TP73: variants seen among roughly 807,000 people sequenced by gnomAD.
The protein encoded by TP73 is tumor protein p73, also known as p53-like transcription factor.
Under a neutral mutation model 62.5 loss-of-function variants are expected in TP73, and 25 were observed. The observed-to-expected ratio is 0.40, with a 90% confidence interval of 0.29 to 0.56. TP73 has a LOEUF of 0.56. Ranked by LOEUF, TP73 falls within the 20% of genes least tolerant of loss-of-function variation. TP73 has a pLI of 0.46. For synonymous variants in TP73, 423 were observed against 377.5 expected (o/e 1.12, Z -1.40); for missense variants, 754 against 913.3 (o/e 0.83, Z 2.25).
At position 3,733,338 on chromosome 1, in the gene TP73, C is replaced by A. The variant is rs906198621; in HGVS notation, c.*259C>A. On this transcript the variant is annotated 3_prime_UTR_variant, in exon 14 of 14. Transcript: ENST00000378295. ...TGGGCTTGTGGGGCGGGGGCTGGCC[C>A]ACTCTCAGCCCTGCCACTGCCCCGG... is the stretch of plus-strand genomic sequence containing the variant. 19 of 553,936 alleles carry A rather than the reference C, an allele frequency of 3.4e-5. No individual in the cohort carries two copies. The highest frequency in any genetic ancestry group is 5.4e-5 in the Non-Finnish European group (17 of 312,646). 34.3% of individuals were successfully genotyped at this position (553,936 alleles called of 1,614,324 possible). A position where few individuals can be genotyped will look rare whatever the true frequency, so the allele number is the denominator to read the frequency against.
At chr1:3,658,084 G>A (rs1644905011) in intron 1 of TP73, among the ~76,000 whole-genome samples, 1 of 152,362 alleles carries the variant, frequency 6.6e-6, no homozygotes, top group Middle Eastern at 3.4e-3. Context: ...GGCCTCCAGT[G>A]AGGCCTGGAG....
At chr1:3,697,315 C>A (rs1382219470) in intron 3 of TP73, among the ~76,000 whole-genome samples, 1 of 152,246 alleles carries the variant, frequency 6.6e-6, no homozygotes, top group Non-Finnish European at 1.5e-5. Flanking sequence ...CAGCTCCGAC[C>A]ACCTCTCCCG....
intron 6 of TP73, among the ~76,000 whole-genome samples, chr1:3,726,184 TGGG>T (rs1204450848): frequency 6.7e-5 from 6 of 90,134 alleles, no homozygotes; most frequent in African/African-American, 2.2e-4. Context: ...AGATAATAAA[TGGG>T]GGGAGTGGAT....
intron 3 of TP73, among the ~76,000 whole-genome samples, chr1:3,706,937 G>C (rs1010213161): frequency 7.9e-5 from 12 of 152,144 alleles, no homozygotes; most frequent in Admixed American, 2.6e-4. Context: ...GGGTGAGGCC[G>C]TTCACCGAGA....
Position 3,722,014 on chromosome 1 carries a change from A to G in TP73, c.430-7A>G, listed in dbSNP as rs1217013442. 8 of 1,596,926 alleles carry G rather than the reference A, an allele frequency of 5.0e-6. No individual in the cohort carries two copies. In the Admixed American group the frequency reaches 1.4e-4, roughly 27 times the overall value. ...TGGTCTCACCCGCTCCCTCTCCCCCACTCCAGTACTCCCCGCTCTTGAAGA... is the reference window on the plus strand; with the variant it reads ...TGGTCTCACCCGCTCCCTCTCCCCCGCTCCAGTACTCCCCGCTCTTGAAGA... On this transcript the variant is annotated splice_polypyrimidine_tract_variant and splice_region_variant and intron_variant, in intron 4 of 13. Transcript: ENST00000378295.
chr1:3,685,936 C>T (rs1411475942), intron 3 of TP73, among the ~76,000 whole-genome samples: 1 of 152,250 alleles, frequency 6.6e-6, no homozygotes, highest in African/African-American at 2.4e-5. Flanking sequence ...GGACAAGAAA[C>T]ACCACACAGG....
At chr1:3,704,892 AG>A (rs1237826482) in intron 3 of TP73, among the ~76,000 whole-genome samples, 1 of 152,206 alleles carries the variant, frequency 6.6e-6, no homozygotes. Flanking sequence ...GCCGGTGCCC[AG>A]GGTGACACCC....
chr1:3,691,733 G>A (rs1645838113), intron 3 of TP73, among the ~76,000 whole-genome samples: 1 of 152,234 alleles, frequency 6.6e-6, no homozygotes, highest in South Asian at 2.1e-4. Flanking sequence ...TCCTCCCAGG[G>A]AAGCAGACAG....
Position 3,732,997 on chromosome 1 carries a change from C to T in TP73, c.1829C>T (p.Ala610Val), listed in dbSNP as rs141747493. The T allele has an allele frequency of 3.8e-6, 6 of 1,580,050 alleles. No individual in the cohort carries two copies. Among genetic ancestry groups the T allele is most frequent in the Admixed American group, 1.8e-5 (1 of 56,488 alleles). ...GGPGGGPDEW[A>V]DFGFDLPDCK... ...CCAGGCGGCGGCCCTGACGAGTGGG[C>T]GGACTTCGGCTTCGACCTGCCCGAC... Residue 610 changes from alanine (A) to valine (V), a missense_variant, in exon 14 of 14, where the codon GCG becomes GTG. By Grantham distance (64) the Ala-to-Val change is moderately conservative (BLOSUM62 0). Around this residue, in one of 3 missense-constraint regions of TP73, gnomAD observed 458 missense variants for 528.7 expected, o/e 0.87. Transcript: ENST00000378295.
intron 4 of TP73, among the ~76,000 whole-genome samples, chr1:3,711,869 CGCGA>C (rs1396825133): frequency 2.8e-5 from 3 of 106,522 alleles, no homozygotes; most frequent in African/African-American, 3.0e-5. Context: ...TGTGTGTGTG[CGCGA>C]GCATGTGCAC....
intron 4 of TP73, 36 bp downstream of exon 4, chr1:3,707,827 G>C: frequency 6.3e-7 from 1 of 1,593,922 alleles, no homozygotes; most frequent in South Asian, 1.1e-5. Flanking sequence ...TGCGGGCTGC[G>C]GGCTGCGGGC....
intron 3 of TP73, among the ~76,000 whole-genome samples, chr1:3,706,107 C>A (rs1639602789): frequency 6.6e-6 from 1 of 152,258 alleles, no homozygotes; most frequent in East Asian, 1.9e-4. Context: ...GGCAGAATGA[C>A]CGCCCCCCGC....
intron 1 of TP73, among the ~76,000 whole-genome samples, chr1:3,675,368 T>C (rs1275281333): frequency 6.6e-6 from 1 of 152,058 alleles, no homozygotes; most frequent in Non-Finnish European, 1.5e-5. Flanking sequence ...CCACTTCAGA[T>C]TGGAATCGTT....
At position 3,675,324 on chromosome 1, in the gene TP73, G is replaced by C. The variant is rs190367357; in HGVS notation, c.-33-7009G>C. Among the ~76,000 whole-genome samples, 800 of 151,090 alleles carry C rather than the reference G, an allele frequency of 5.3e-3. 1 individual carries two copies. Among genetic ancestry groups the C allele is most frequent in the Admixed American group, 0.013 (191 of 15,112 alleles). ...GGTGTCTCCTCCCACAATGGCCCAG[G>C]TGTCTCCTCCCACAATGGCCCCAGG... is the stretch of plus-strand genomic sequence containing the variant. On this transcript the variant is annotated intron_variant, in intron 1 of 13. Transcript: ENST00000378295.
At chr1:3,717,301 C>G (rs951272589) in intron 4 of TP73, among the ~76,000 whole-genome samples, 1 of 152,130 alleles carries the variant, frequency 6.6e-6, no homozygotes, top group Non-Finnish European at 1.5e-5. Flanking sequence ...CCAGGCCGGG[C>G]CCATGTTGTA....
intron 3 of TP73, among the ~76,000 whole-genome samples, chr1:3,703,464 C>T (rs1324307113): frequency 1.3e-5 from 2 of 152,130 alleles, no homozygotes; most frequent in Non-Finnish European, 2.9e-5. Context: ...GCCTGCTGTC[C>T]GGACACTTGT....
At chr1:3,721,058 G>C (rs569743043) in intron 4 of TP73, among the ~76,000 whole-genome samples, 1 of 152,230 alleles carries the variant, frequency 6.6e-6, no homozygotes, top group Non-Finnish European at 1.5e-5. Flanking sequence ...TTTGGGGAGA[G>C]AGCATGAGGA....
Position 3,689,817 on chromosome 1 carries a change from G to A in TP73, c.186+6637G>A, listed in dbSNP as rs573469178. Among the ~76,000 whole-genome samples, 41 of 152,076 alleles carry A rather than the reference G, an allele frequency of 2.7e-4. 1 individual carries two copies. Among genetic ancestry groups the A allele is most frequent in the Admixed American group, 2.5e-3 (38 of 15,290 alleles). The stretch of plus-strand genomic sequence containing the variant: ...GGCGCCCTGGGGACTGGAAGTGTGG[G>A]TCCGCAGGCCCCAGTCCCCAGGTTT... On this transcript the variant is annotated intron_variant, in intron 3 of 13. Coordinates refer to ENST00000378295, the MANE Select transcript of TP73 (RefSeq NM_005427.4).
intron 4 of TP73, among the ~76,000 whole-genome samples, chr1:3,715,461 G>A (rs1289437317): frequency 1.3e-5 from 2 of 152,010 alleles, no homozygotes; most frequent in East Asian, 2.0e-4. Context: ...GATGGAGCTT[G>A]GGGGTCAGAC....
Sources: allele counts gnomAD v4.1 joint callset (sites outside exome capture counted in the v4.1 genomes callset), GRCh38; gene constraint gnomAD v4.1.1; regional missense constraint gnomAD v4.1.1; transcripts MANE v1.5; gene names NCBI Gene and HGNC (gene_info 2026-07-23, HGNC 2026-07-21).